The following DNAH9 variants were observed in gnomAD, a reference collection of about 807,000 sequenced individuals.
DNAH9 encodes dynein axonemal heavy chain 9, also known as DNAH9 variant protein.
DNAH9 carries 345 observed loss-of-function variants against 471.6 expected under a neutral mutation model. The observed-to-expected ratio is 0.73, with a 90% CI of 0.67 to 0.80. The LOEUF (loss-of-function observed/expected upper bound fraction) is 0.80, where lower values mean the gene tolerates loss of function less well. Ranked by LOEUF, DNAH9 falls within the 30% of genes least tolerant of loss-of-function variation. The probability of loss-of-function intolerance (pLI) is 0.00; values close to 1 mark genes in which losing one functional copy is unlikely to be tolerated. For missense variants in DNAH9, 5,407 were observed against 5,609.2 expected (o/e 0.96, Z 1.15); for synonymous variants, 2,093 against 2,123.6 (o/e 0.99, Z 0.40).
rs1404986645 is a variant in DNAH9, at chr17:11,606,443, C to CTTTTTTTTTTTTT, written c.418-1682_418-1681insTTTTTTTTTTTTT. Among the ~76,000 whole-genome samples, 112 of 69,132 alleles carry CTTTTTTTTTTTTT rather than the reference C, an allele frequency of 1.6e-3. 15 individuals carry two copies. The highest frequency in any genetic ancestry group is 2.4e-3 in the African/African-American group (44 of 18,034). 45.4% of individuals were successfully genotyped at this position (69,132 alleles called of 152,430 possible). A position where few individuals can be genotyped will look rare whatever the true frequency, so the allele number is the denominator to read the frequency against. ...CTGACAACTTTCTTTCTTTTCTTTTCTTTTCTTTTCTTTTTTTTTTTTTTG... is the reference window on the plus strand; with the variant it reads ...CTGACAACTTTCTTTCTTTTCTTTTCTTTTTTTTTTTTTTTTTCTTTTCTTTTTTTTTTTTTTG... On this transcript the variant is annotated intron_variant, in intron 1 of 68. Transcript: ENST00000262442.
In DNAH9 at chr17:11,757,387, T is replaced by C. The variant is rs575197989; in HGVS notation, c.6848-158T>C. ...TCAGTCCGCTGGAGTTGGTCCTCAA[T>C]AGCAAACCCATTTACCCGCTCACAT... On this transcript the variant is annotated intron_variant, in intron 34 of 68. Transcript: ENST00000262442. Among the ~76,000 whole-genome samples, 5 of 152,288 alleles carry C rather than the reference T, an allele frequency of 3.3e-5. No individual in the cohort carries two copies. The East Asian group carries it at 9.7e-4, about 29-fold the overall frequency.
intron 62 of DNAH9, among the ~76,000 whole-genome samples, chr17:11,926,938 A>G (rs1974350850): frequency 6.6e-6 from 1 of 152,174 alleles, no homozygotes; most frequent in Non-Finnish European, 1.5e-5. Context: ...TGACTTTTTA[A>G]TAATCGGCAT....
rs374054657 is a variant in DNAH9, at chr17:11,762,941, G to A, written c.6996-499G>A. 3.8e-4 allele frequency among the ~76,000 whole-genome samples: 58 copies of A among 151,668 alleles called. No homozygotes were observed. The South Asian group carries it at 5.0e-3, about 13-fold the overall frequency. ...AGTACAGGTGCCCGCCACCGTGCCC[G>A]GCTAATTTTTTGTATTTTTAGTAGA... On this transcript the variant is annotated intron_variant, in intron 35 of 68. Coordinates refer to ENST00000262442, the MANE Select transcript of DNAH9 (RefSeq NM_001372.4).
chr17:11,880,056 G>A (rs201517402), intron 53 of DNAH9, 22 bp from the exon 54 acceptor site: 412 of 1,612,798 alleles, frequency 2.6e-4, no homozygotes, highest in Non-Finnish European at 3.2e-4. Flanking sequence ...TCATACTCCC[G>A]GACTCATACT....
chr17:11,606,302 A>G (rs1240175608), intron 1 of DNAH9, among the ~76,000 whole-genome samples: 1 of 151,886 alleles, frequency 6.6e-6, no homozygotes. Flanking sequence ...TTTCCTTTTG[A>G]TTATTTATAT....
intron 45 of DNAH9, among the ~76,000 whole-genome samples, chr17:11,816,347 G>A (rs369028156): frequency 1.3e-4 from 20 of 152,242 alleles, no homozygotes; most frequent in South Asian, 4.2e-4. Flanking sequence ...GTTTTTCATC[G>A]TTTATACGGT....
intron 68 of DNAH9, among the ~76,000 whole-genome samples, chr17:11,963,302 T>C (rs1308204875): frequency 2.6e-5 from 4 of 151,892 alleles, no homozygotes; most frequent in African/African-American, 9.7e-5. Flanking sequence ...GGCATGGTGG[T>C]GCATGCCTGT....
At chr17:11,940,839 A>G (rs952025665) in intron 66 of DNAH9, among the ~76,000 whole-genome samples, 1 of 152,220 alleles carries the variant, frequency 6.6e-6, no homozygotes, top group African/African-American at 2.4e-5. Context: ...AGGCCTAAGT[A>G]ACTTGCTTAT....
rs147084881 is a variant in DNAH9 at position 11,828,346 on chromosome 17, G to A, written c.9246+5312G>A. ...AAAATAGCCAGGCATGGTGGCATGC[G>A]CCTGTAATCCCAGCTACTCGGGAGG... On this transcript the variant is annotated intron_variant, in intron 48 of 68. Coordinates refer to ENST00000262442, the MANE Select transcript of DNAH9 (RefSeq NM_001372.4). Among the ~76,000 whole-genome samples the A allele has an allele frequency of 3.9e-3, 596 of 151,914 alleles. 4 individuals are homozygous for A. The highest frequency in any genetic ancestry group is 0.013 in the African/African-American group (547 of 41,452).
intron 24 of DNAH9, among the ~76,000 whole-genome samples, chr17:11,702,773 G>A (rs966629338): frequency 1.2e-4 from 19 of 152,192 alleles, no homozygotes; most frequent in African/African-American, 4.6e-4. Flanking sequence ...CACATTGCAG[G>A]GGCTGAGGAG....
intron 67 of DNAH9, among the ~76,000 whole-genome samples, chr17:11,958,645 G>A (rs1975803390): frequency 6.6e-6 from 1 of 152,030 alleles, no homozygotes; most frequent in Non-Finnish European, 1.5e-5. Flanking sequence ...GTTGATAGTG[G>A]TGGAGGTTGT....
rs779572632 is a variant in DNAH9, at chr17:11,902,789, A to T, written c.11477A>T (p.Lys3826Met). ...DIEGSAKSWK[K>M]FVESECPEKE... ...GAGGGATCTGCTAAGAGCTGGAAAA[A>T]GTTTGTGGAGTCCGAATGTCCTGAG... Residue 3826 changes from lysine (K) to methionine (M), a missense_variant, in exon 60 of 69, where the codon AAG becomes ATG. Physicochemically the swap from Lys to Met is moderately conservative, Grantham distance 95 (BLOSUM62 -1). This residue lies in a region of DNAH9 where 4,636 missense variants were observed against 4,900.3 expected (regional missense o/e 0.95). Transcript: ENST00000262442. 1 of 1,614,002 alleles carries T rather than the reference A, an allele frequency of 6.2e-7. No individual in the cohort carries two copies. Among genetic ancestry groups the T allele is most frequent in the Non-Finnish European group, 8.5e-7 (1 of 1,179,872 alleles).
chr17:11,705,625 CAT>C (rs2074686027), intron 26 of DNAH9: 1 of 160,632 alleles, frequency 6.2e-6, no homozygotes, highest in African/African-American at 2.4e-5. Context: ...CAGATACAAA[CAT>C]ACAATTAGAT....
chr17:11,693,739 C>A, intron 20 of DNAH9, 129 bp from the exon 21 acceptor site: 1 of 997,002 alleles, frequency 1.0e-6, no homozygotes, highest in African/African-American at 1.6e-5. Flanking sequence ...AAGGGTGTTT[C>A]CTTCGTTGAG....
At chr17:11,912,134 C>T (rs1225931528) in intron 61 of DNAH9, among the ~76,000 whole-genome samples, 1 of 152,218 alleles carries the variant, frequency 6.6e-6, no homozygotes, top group African/African-American at 2.4e-5. Flanking sequence ...TCTCCTGCCT[C>T]AGCCTCCCGA....
chr17:11,762,758 G>GTTTTTTTTGTTGTTTTTTTTTT (rs1967733702), intron 35 of DNAH9, among the ~76,000 whole-genome samples: 1 of 94,790 alleles, frequency 1.1e-5, no homozygotes, highest in African/African-American at 3.8e-5. Context: ...CTTTAGGTGC[G>GTTTTTTTTGTTGTTTTTTTTTT]TTTTTTTTTT....
At chr17:11,794,945 G>T (rs1242948239) in intron 42 of DNAH9, among the ~76,000 whole-genome samples, 1 of 150,724 alleles carries the variant, frequency 6.6e-6, no homozygotes, top group Non-Finnish European at 1.5e-5. Context: ...GAGGGAGAAG[G>T]GATAGCATTA....
chr17:11,803,834 CCT>C (rs1567813427), intron 43 of DNAH9, among the ~76,000 whole-genome samples: 1 of 152,236 alleles, frequency 6.6e-6, no homozygotes, highest in East Asian at 1.9e-4. Context: ...TCCATGCCTG[CCT>C]CTCTCTTTCC....
At chr17:11,887,598 G>A (rs2151001015) in intron 57 of DNAH9, among the ~76,000 whole-genome samples, 1 of 152,244 alleles carries the variant, frequency 6.6e-6, no homozygotes, top group South Asian at 2.1e-4. Flanking sequence ...CAATTGAAGA[G>A]GCATTAGGAG....
Sources: gnomAD v4.1 joint callset for allele counts (sites outside exome capture counted in the v4.1 genomes callset) on GRCh38, gnomAD v4.1.1 for gene constraint, gnomAD v4.1.1 regional missense constraint, MANE v1.5 for transcripts, NCBI Gene and HGNC (gene_info 2026-07-23, HGNC 2026-07-21) for gene names.